CSMD1: variants seen among roughly 807,000 people sequenced by gnomAD.
The protein encoded by CSMD1 is CUB and Sushi multiple domains 1, also known as CUB and sushi domain-containing protein 1.
Under a neutral mutation model 417.5 loss-of-function variants are expected in CSMD1, and 213 were observed. The observed-to-expected ratio is 0.51, with a 90% confidence interval of 0.46 to 0.57. The LOEUF (loss-of-function observed/expected upper bound fraction) is 0.57, where lower values mean the gene tolerates loss of function less well. CSMD1 is among the 20% of genes least tolerant of loss of function. The pLI is 0.00. For synonymous variants in CSMD1, 2,862 were observed against 1,736.8 expected (o/e 1.65, Z -16.11); for missense variants, 6,923 against 4,529.7 (o/e 1.53, Z -15.17).
chr8:3,719,456 G>C (rs1263379950), intron 6 of CSMD1, among the ~76,000 whole-genome samples: 1 of 152,164 alleles, frequency 6.6e-6, no homozygotes, highest in Non-Finnish European at 1.5e-5. Context: ...AGAATCTCAA[G>C]AAAAGTGGGT....
intron 3 of CSMD1, among the ~76,000 whole-genome samples, chr8:4,127,648 C>A (rs1010876694): frequency 6.6e-6 from 1 of 152,042 alleles, no homozygotes; most frequent in Non-Finnish European, 1.5e-5. Flanking sequence ...GAACCACTCA[C>A]CCCCTTTACT....
chr8:4,221,382 A>C (rs1345804427), intron 3 of CSMD1, among the ~76,000 whole-genome samples: 1 of 151,904 alleles, frequency 6.6e-6, no homozygotes, highest in Non-Finnish European at 1.5e-5. Flanking sequence ...AAGTGAGAAA[A>C]AAAAAAAAAA....
At chr8:4,935,533 C>T (rs932184288) in intron 1 of CSMD1, among the ~76,000 whole-genome samples, 9 of 152,200 alleles carry the variant, frequency 5.9e-5, no homozygotes, top group African/African-American at 1.9e-4. Context: ...TGAATGAATA[C>T]AACTCTATAA....
chr8:4,289,036 T>C (rs1797214968), intron 3 of CSMD1, among the ~76,000 whole-genome samples: 1 of 152,302 alleles, frequency 6.6e-6, no homozygotes, highest in Non-Finnish European at 1.5e-5. Context: ...GCAATGACTG[T>C]CATAATGAGC....
chr8:4,154,297 T>C (rs1796715933), intron 3 of CSMD1, among the ~76,000 whole-genome samples: 1 of 152,330 alleles, frequency 6.6e-6, no homozygotes, highest in South Asian at 2.1e-4. Context: ...AAGATGTTTC[T>C]GTTCTCAGCT....
At chr8:3,475,821 G>A (rs971170950) in intron 11 of CSMD1, among the ~76,000 whole-genome samples, 16 of 152,158 alleles carry the variant, frequency 1.1e-4, no homozygotes, top group Non-Finnish European at 1.9e-4. Flanking sequence ...TACAACTAGG[G>A]CACTTTGTGA....
chr8:4,398,502 C>T (rs2128927745), intron 3 of CSMD1, among the ~76,000 whole-genome samples: 1 of 148,194 alleles, frequency 6.7e-6, no homozygotes, highest in East Asian at 2.0e-4. Flanking sequence ...ACGCCATTCT[C>T]CTAGCCTCAG....
At chr8:4,070,972 A>G (rs1341095830) in intron 3 of CSMD1, among the ~76,000 whole-genome samples, 9 of 152,120 alleles carry the variant, frequency 5.9e-5, no homozygotes, top group Admixed American at 4.6e-4. Flanking sequence ...AATAATTTAA[A>G]TTGTTGTTTC....
intron 1 of CSMD1, among the ~76,000 whole-genome samples, chr8:4,963,655 T>G (rs1302210246): frequency 6.6e-6 from 1 of 152,250 alleles, no homozygotes; most frequent in Non-Finnish European, 1.5e-5. Flanking sequence ...ATACGTGTAG[T>G]ATGAATTTGC....
chr8:4,019,272 A>T (rs1585142783), intron 4 of CSMD1, among the ~76,000 whole-genome samples: 1 of 152,190 alleles, frequency 6.6e-6, no homozygotes, highest in Non-Finnish European at 1.5e-5. Context: ...AAGAGTTTTT[A>T]AAGATTCAGG....
intron 2 of CSMD1, among the ~76,000 whole-genome samples, chr8:4,585,950 T>C (rs1358375705): frequency 6.6e-6 from 1 of 152,230 alleles, no homozygotes; most frequent in Non-Finnish European, 1.5e-5. Flanking sequence ...ATTTGTGGGA[T>C]TTAATATATT....
intron 1 of CSMD1, among the ~76,000 whole-genome samples, chr8:4,841,772 G>A (rs964939762): frequency 2.6e-5 from 4 of 151,740 alleles, no homozygotes; most frequent in African/African-American, 7.3e-5. Flanking sequence ...TTAGCTGGGC[G>A]TGGTGGCACA....
At chr8:4,825,707 G>C (rs1000042385) in intron 1 of CSMD1, among the ~76,000 whole-genome samples, 1 of 141,734 alleles carries the variant, frequency 7.1e-6, no homozygotes, top group African/African-American at 2.5e-5. Flanking sequence ...TGGGAGAAAA[G>C]ATTTGCAAAC....
chr8:4,523,274 C>T (rs973463673), intron 2 of CSMD1, among the ~76,000 whole-genome samples: 3 of 152,136 alleles, frequency 2.0e-5, no homozygotes, highest in African/African-American at 7.2e-5. Context: ...AATCATTTGC[C>T]ATACCTGGTT....
chr8:4,875,824 G>GACAC (rs146525901), intron 1 of CSMD1, among the ~76,000 whole-genome samples: 61 of 149,936 alleles, frequency 4.1e-4, no homozygotes, highest in African/African-American at 1.2e-3. Flanking sequence ...CACAGAGACA[G>GACAC]ACACACACAC....
chr8:4,296,284 G>C (rs184291794), intron 3 of CSMD1, among the ~76,000 whole-genome samples: 1 of 152,036 alleles, frequency 6.6e-6, no homozygotes, highest in Non-Finnish European at 1.5e-5. Context: ...AAGTGCCCAA[G>C]GCAGGAAGAA....
chr8:2,935,603 G>C lies in CSMD1; in HGVS notation c.*2982C>G, dbSNP rs891887170. On this transcript the variant is annotated 3_prime_UTR_variant, in exon 70 of 70. Transcript: ENST00000635120. ...GTAAAAACATTTATTTTTTAACAATGTACCTACATTAATCAAAAAATTACA... is the reference window on the plus strand; with the variant it reads ...GTAAAAACATTTATTTTTTAACAATCTACCTACATTAATCAAAAAATTACA... The C allele has an allele frequency of 6.6e-6, 1 of 152,058 alleles. No individual in the cohort carries two copies. The allele number at this position is 152,058 out of a possible 1,614,324, so 9.4% of individuals were successfully genotyped here.
intron 2 of CSMD1, among the ~76,000 whole-genome samples, chr8:4,474,976 C>T (rs1800722869): frequency 2.0e-5 from 3 of 152,090 alleles, no homozygotes; most frequent in African/African-American, 7.2e-5. Flanking sequence ...CAACTACAGG[C>T]TGTTAGTAAT....
intron 3 of CSMD1, among the ~76,000 whole-genome samples, chr8:4,312,481 A>T (rs1293428737): frequency 6.7e-6 from 1 of 148,486 alleles, no homozygotes; most frequent in East Asian, 1.9e-4. Context: ...ATATATATAC[A>T]CATATAGAAC....
Sources: gnomAD v4.1 joint callset for allele counts (sites outside exome capture counted in the v4.1 genomes callset) on GRCh38, gnomAD v4.1.1 for gene constraint, MANE v1.5 for transcripts, NCBI Gene and HGNC (gene_info 2026-07-23, HGNC 2026-07-21) for gene names.